NKAIN2: variants seen among roughly 807,000 people sequenced by gnomAD.
NKAIN2 encodes the protein sodium/potassium transporting ATPase interacting 2, also known as sodium/potassium-transporting ATPase subunit beta-1-interacting protein 2.
In NKAIN2, 14 loss-of-function variants were observed where a neutral mutation model predicts 32.6. The ratio of observed to expected loss-of-function variants is 0.43; its 90% CI spans 0.28 to 0.67. The LOEUF (loss-of-function observed/expected upper bound fraction) is 0.67. Among genes scored for constraint, NKAIN2 ranks in the 30% least tolerant of loss-of-function variants. NKAIN2 has a pLI of 0.17. For missense variants in NKAIN2, 198 were observed against 258.3 expected (o/e 0.77, Z 1.60); for synonymous variants, 80 against 87.2 (o/e 0.92, Z 0.46).
chr6:123,879,088 C>G (rs966969083), intron 1 of NKAIN2, among the ~76,000 whole-genome samples: 1 of 152,158 alleles, frequency 6.6e-6, no homozygotes, highest in Non-Finnish European at 1.5e-5. Context: ...TGTACTATGA[C>G]ATGCAAATAA....
intron 4 of NKAIN2, among the ~76,000 whole-genome samples, chr6:124,710,917 TC>T (rs1281118696): frequency 6.6e-6 from 1 of 151,608 alleles, no homozygotes; most frequent in Non-Finnish European, 1.5e-5. Flanking sequence ...TGCAGTTTCT[TC>T]CTAGTCTCGA....
At chr6:124,066,863 TG>T (rs1262150765) in intron 1 of NKAIN2, among the ~76,000 whole-genome samples, 1 of 256 alleles carries the variant, frequency 3.9e-3, no homozygotes, top group African/African-American at 0.021. Context: ...TTGCTGCGTT[TG>T]TGTGTGTGTG....
intron 5 of NKAIN2, among the ~76,000 whole-genome samples, chr6:124,815,332 G>A (rs1260485943): frequency 2.0e-5 from 3 of 150,910 alleles, no homozygotes; most frequent in African/African-American, 7.3e-5. Context: ...GGAGTGCAAT[G>A]GCATGATCTC....
At chr6:124,135,173 T>A (rs1786680400) in intron 1 of NKAIN2, among the ~76,000 whole-genome samples, 1 of 151,546 alleles carries the variant, frequency 6.6e-6, no homozygotes, top group Non-Finnish European at 1.5e-5. Context: ...ATGAACCTCC[T>A]TGAACCGTAA....
At chr6:124,383,357 G>T (rs568609672) in intron 3 of NKAIN2, among the ~76,000 whole-genome samples, 1 of 152,216 alleles carries the variant, frequency 6.6e-6, no homozygotes, top group South Asian at 2.1e-4. Context: ...TTCTAAAAGG[G>T]CAGATTGTAT....
At chr6:124,618,409 C>T (rs1470101684) in intron 3 of NKAIN2, among the ~76,000 whole-genome samples, 2 of 152,050 alleles carry the variant, frequency 1.3e-5, no homozygotes, top group Non-Finnish European at 2.9e-5. Context: ...ACCAGGGAGG[C>T]GGAGGTTGCA....
intron 1 of NKAIN2, among the ~76,000 whole-genome samples, chr6:124,011,844 T>A (rs1780346086): frequency 6.6e-6 from 1 of 152,130 alleles, no homozygotes; most frequent in Non-Finnish European, 1.5e-5. Flanking sequence ...TCATAATCCA[T>A]CCTGTTTGCT....
chr6:123,919,228 C>A (rs895803700), intron 1 of NKAIN2, among the ~76,000 whole-genome samples: 2 of 152,022 alleles, frequency 1.3e-5, no homozygotes, highest in Non-Finnish European at 2.9e-5. Flanking sequence ...TACATATGCA[C>A]ATTTTTCTTC....
chr6:124,661,250 A>G (rs983203541), intron 4 of NKAIN2, among the ~76,000 whole-genome samples: 1 of 152,186 alleles, frequency 6.6e-6, no homozygotes, highest in Non-Finnish European at 1.5e-5. Flanking sequence ...GCAGTTTTGT[A>G]AAGTCAGCTG....
intron 4 of NKAIN2, among the ~76,000 whole-genome samples, chr6:124,751,418 A>G (rs2114711598): frequency 1.3e-5 from 2 of 152,142 alleles, no homozygotes; most frequent in East Asian, 1.9e-4. Flanking sequence ...TGCCTGTCTT[A>G]AAGTTTAGTC....
chr6:124,569,730 T>G (rs1781055609), intron 3 of NKAIN2, among the ~76,000 whole-genome samples: 1 of 152,218 alleles, frequency 6.6e-6, no homozygotes, highest in South Asian at 2.1e-4. Flanking sequence ...TCTCTTTTTC[T>G]TCCCAGTATC....
At chr6:123,905,534 CA>C (rs11324027) in intron 1 of NKAIN2, among the ~76,000 whole-genome samples, 8,772 of 152,056 alleles carry the variant, frequency 0.058, 809 homozygotes, top group African/African-American at 0.19. Flanking sequence ...GAGTTCAGAA[CA>C]AAAGCATAGT....
chr6:124,271,357 C>T (rs1456063353), intron 1 of NKAIN2, among the ~76,000 whole-genome samples: 1 of 152,152 alleles, frequency 6.6e-6, no homozygotes, highest in Non-Finnish European at 1.5e-5. Flanking sequence ...GCTGGGACTA[C>T]AGGCGCCTGC....
intron 1 of NKAIN2, among the ~76,000 whole-genome samples, chr6:124,207,365 C>A (rs1197336518): frequency 1.3e-5 from 2 of 151,064 alleles, no homozygotes; most frequent in Non-Finnish European, 3.0e-5. Flanking sequence ...TATTAAGGGG[C>A]TCTTATCTTA....
intron 1 of NKAIN2, among the ~76,000 whole-genome samples, chr6:123,963,544 C>T (rs1486204285): frequency 6.6e-6 from 1 of 152,024 alleles, no homozygotes; most frequent in East Asian, 1.9e-4. Flanking sequence ...ATAAAATGAA[C>T]ATAAAAATTG....
chr6:124,635,887 G>C (rs919396140), intron 3 of NKAIN2, among the ~76,000 whole-genome samples: 3 of 151,916 alleles, frequency 2.0e-5, no homozygotes, highest in African/African-American at 7.2e-5. Context: ...AGATTATCCC[G>C]ATAGAAAATC....
intron 1 of NKAIN2, among the ~76,000 whole-genome samples, chr6:124,039,217 A>T (rs1451567689): frequency 6.6e-6 from 1 of 152,066 alleles, no homozygotes; most frequent in Non-Finnish European, 1.5e-5. Context: ...GAGAAATAAC[A>T]TTATATATAG....
intron 3 of NKAIN2, among the ~76,000 whole-genome samples, chr6:124,592,681 G>A (rs947262182): frequency 6.6e-6 from 1 of 152,174 alleles, no homozygotes; most frequent in African/African-American, 2.4e-5. Context: ...CCCAAACCAT[G>A]CTAACAACAA....
At chr6:124,536,050 C>T (rs1050047190) in intron 3 of NKAIN2, among the ~76,000 whole-genome samples, 10 of 152,170 alleles carry the variant, frequency 6.6e-5, no homozygotes, top group African/African-American at 2.4e-4. Context: ...TTCCGTGGAG[C>T]CACGCAGAAG....
Sources: allele counts gnomAD v4.1 joint callset (sites outside exome capture counted in the v4.1 genomes callset), GRCh38; gene constraint gnomAD v4.1.1; transcripts MANE v1.5; gene names NCBI Gene and HGNC (gene_info 2026-07-23, HGNC 2026-07-21).